Variants in CHCHD3 observed in about 807,000 individuals in gnomAD.
CHCHD3 encodes coiled-coil-helix-coiled-coil-helix domain containing 3.
Under a neutral mutation model 38.2 loss-of-function variants are expected in CHCHD3, and 20 were observed. The observed-to-expected ratio is 0.52, with a 90% CI of 0.37 to 0.76. The LOEUF (loss-of-function observed/expected upper bound fraction) is 0.76. CHCHD3 is among the 30% of genes least tolerant of loss of function. CHCHD3 has a pLI of 0.00. For synonymous variants in CHCHD3, 82 were observed against 100.0 expected (o/e 0.82, Z 1.07); for missense variants, 245 against 279.2 (o/e 0.88, Z 0.87).
At chr7:132,974,262 G>T (rs1221455838) in intron 4 of CHCHD3, among the ~76,000 whole-genome samples, 2 of 152,162 alleles carry the variant, frequency 1.3e-5, no homozygotes, top group African/African-American at 4.8e-5. Context: ...CAGAAAGACA[G>T]ATTGATGGGT....
intron 4 of CHCHD3, among the ~76,000 whole-genome samples, chr7:132,968,514 A>G (rs1234170073): frequency 6.6e-6 from 1 of 152,164 alleles, no homozygotes; most frequent in Non-Finnish European, 1.5e-5. Context: ...GCAAACTAAT[A>G]CTCTACACAT....
intron 4 of CHCHD3, among the ~76,000 whole-genome samples, chr7:132,968,126 A>G (rs1021989687): frequency 3.9e-5 from 6 of 152,196 alleles, no homozygotes; most frequent in Non-Finnish European, 7.3e-5. Context: ...TATGCATTCC[A>G]GCTGATAATA....
At position 132,956,186 on chromosome 7, in the gene CHCHD3, C is replaced by A. The variant is rs193217777; in HGVS notation, c.369+18983G>T. 1.6e-3 allele frequency among the ~76,000 whole-genome samples: 241 copies of A among 152,320 alleles called. 1 individual carries two copies. The highest frequency in any genetic ancestry group is 2.7e-3 in the Admixed American group (42 of 15,310). ...ATTAAGGCTTCCCTGAATCTGAAGCCTGTTGGCCTGCCCTGAAGATTACAG... is the reference window on the plus strand; with the variant it reads ...ATTAAGGCTTCCCTGAATCTGAAGCATGTTGGCCTGCCCTGAAGATTACAG... On this transcript the variant is annotated intron_variant, in intron 4 of 7. Transcript: ENST00000262570.
intron 4 of CHCHD3, among the ~76,000 whole-genome samples, chr7:132,940,104 C>T (rs1395707263): frequency 3.3e-5 from 5 of 152,160 alleles, no homozygotes; most frequent in East Asian, 3.9e-4. Flanking sequence ...AGAACATACA[C>T]CTCCTAATTT....
intron 3 of CHCHD3, among the ~76,000 whole-genome samples, chr7:132,997,813 G>A (rs1812466031): frequency 6.6e-6 from 1 of 152,174 alleles, no homozygotes. Context: ...ATGGTTCACA[G>A]GAGGTCTAAG....
intron 4 of CHCHD3, among the ~76,000 whole-genome samples, chr7:132,953,280 A>AT (rs1811076064): frequency 6.6e-6 from 1 of 152,206 alleles, no homozygotes; most frequent in Non-Finnish European, 1.5e-5. Context: ...CAGCCACAGC[A>AT]TGGAGAAACA....
At chr7:133,027,363 A>AGAGAGAGAGAGAGAG (rs1554402334) in intron 2 of CHCHD3, among the ~76,000 whole-genome samples, 6 of 133,880 alleles carry the variant, frequency 4.5e-5, no homozygotes, top group African/African-American at 1.1e-4. Flanking sequence ...AATAAGTTGT[A>AGAGAGAGAGAGAGAG]AGAGAGAGAG....
intron 4 of CHCHD3, among the ~76,000 whole-genome samples, chr7:132,962,859 T>C (rs1203216092): frequency 2.0e-5 from 3 of 152,180 alleles, no homozygotes; most frequent in African/African-American, 7.2e-5. Context: ...TGTTTGCAAA[T>C]TATGTTTAAT....
At chr7:132,806,756 C>T (rs1806930179) in intron 6 of CHCHD3, among the ~76,000 whole-genome samples, 1 of 151,694 alleles carries the variant, frequency 6.6e-6, no homozygotes, top group Non-Finnish European at 1.5e-5. Context: ...ACACTTTCAT[C>T]AAGGACACAT....
At chr7:133,024,442 A>C in intron 3 of CHCHD3, 104 bp downstream of exon 3, 1 of 882,954 alleles carries the variant, frequency 1.1e-6, no homozygotes, top group Non-Finnish European at 1.9e-6. Context: ...TCTGAAGTTC[A>C]GTCATACACA....
chr7:133,040,439 G>A (rs1227334098), intron 2 of CHCHD3, among the ~76,000 whole-genome samples: 1 of 152,128 alleles, frequency 6.6e-6, no homozygotes, highest in African/African-American at 2.4e-5. Flanking sequence ...GTACTGGGGT[G>A]AGAAAACAGC....
chr7:132,793,742 A>G (rs1481860182), intron 7 of CHCHD3, among the ~76,000 whole-genome samples: 8 of 152,206 alleles, frequency 5.3e-5, no homozygotes, highest in Admixed American at 4.6e-4. Context: ...AAACCCTTGC[A>G]CTGTGTCGGA....
chr7:133,033,620 C>A (rs1391649079), intron 2 of CHCHD3, among the ~76,000 whole-genome samples: 1 of 152,152 alleles, frequency 6.6e-6, no homozygotes, highest in Non-Finnish European at 1.5e-5. Flanking sequence ...TAGATAGTCA[C>A]AAATAATCTA....
chr7:132,964,383 C>A (rs1257844868), intron 4 of CHCHD3, among the ~76,000 whole-genome samples: 1 of 152,146 alleles, frequency 6.6e-6, no homozygotes, highest in Non-Finnish European at 1.5e-5. Context: ...GAGTTCAAGA[C>A]TAGCCTGACC....
intron 3 of CHCHD3, among the ~76,000 whole-genome samples, chr7:133,006,278 C>T (rs570290840): frequency 6.6e-6 from 1 of 152,042 alleles, no homozygotes; most frequent in East Asian, 1.9e-4. Flanking sequence ...CCAGCCTGAC[C>T]AACATGATGA....
intron 6 of CHCHD3, among the ~76,000 whole-genome samples, chr7:132,836,869 G>A (rs1329685430): frequency 6.6e-6 from 1 of 152,158 alleles, no homozygotes; most frequent in Non-Finnish European, 1.5e-5. Flanking sequence ...AGAAATCAGA[G>A]TGCTCATCTG....
intron 4 of CHCHD3, among the ~76,000 whole-genome samples, chr7:132,892,753 G>A (rs774259248): frequency 1.6e-4 from 25 of 152,204 alleles, no homozygotes; most frequent in Non-Finnish European, 3.7e-4. Flanking sequence ...GCTAAAAGAG[G>A]CCAAGGTATA....
At chr7:133,025,988 T>C (rs1813326106) in intron 2 of CHCHD3, among the ~76,000 whole-genome samples, 1 of 152,174 alleles carries the variant, frequency 6.6e-6, no homozygotes, top group Non-Finnish European at 1.5e-5. Context: ...ACAAAGAAGA[T>C]ACATGAAAGA....
intron 4 of CHCHD3, among the ~76,000 whole-genome samples, chr7:132,908,629 G>C (rs1809858109): frequency 6.6e-6 from 1 of 152,140 alleles, no homozygotes; most frequent in Non-Finnish European, 1.5e-5. Flanking sequence ...ACCCGAAGAA[G>C]AAAGTCACAA....
Sources: gnomAD v4.1 joint callset for allele counts (sites outside exome capture counted in the v4.1 genomes callset) on GRCh38, gnomAD v4.1.1 for gene constraint, MANE v1.5 for transcripts, NCBI Gene and HGNC (gene_info 2026-07-23, HGNC 2026-07-21) for gene names.